The following RBFOX1 variants were observed in gnomAD, a reference collection of about 807,000 sequenced individuals.
The protein encoded by RBFOX1 is RNA binding protein fox-1 homolog 1.
Under a neutral mutation model 57.7 loss-of-function variants are expected in RBFOX1, and 8 were observed. That is an observed-to-expected ratio of 0.14 (90% CI 0.08 to 0.25). The LOEUF (loss-of-function observed/expected upper bound fraction) is 0.25, where lower values mean the gene tolerates loss of function less well. Ranked by LOEUF, RBFOX1 falls within the 10% of genes least tolerant of loss-of-function variation. RBFOX1 has a pLI of 1.00. For synonymous variants in RBFOX1, 326 were observed against 222.4 expected, an observed-to-expected ratio of 1.47 and a Z score of -4.15; for missense variants, 611 against 548.5, an observed-to-expected ratio of 1.11 and a Z score of -1.14.
chr16:7,447,256 A>T (rs1336314485), intron 4 of RBFOX1, among the ~76,000 whole-genome samples: 2 of 147,394 alleles, frequency 1.4e-5, no homozygotes, highest in African/African-American at 5.0e-5. Flanking sequence ...ACATGGGGAA[A>T]CCCCCATCTC....
chr16:5,992,858 T>A (rs2060424681), intron 4 of RBFOX1, among the ~76,000 whole-genome samples: 1 of 152,118 alleles, frequency 6.6e-6, no homozygotes, highest in African/African-American at 2.4e-5. Context: ...TGCTTGAACC[T>A]GGGAGGTGGA....
chr16:5,933,895 G>T (rs1380210710), intron 4 of RBFOX1, among the ~76,000 whole-genome samples: 1 of 152,008 alleles, frequency 6.6e-6, no homozygotes, highest in Non-Finnish European at 1.5e-5. Context: ...CATCACTCAG[G>T]TAGTAAGCCT....
At chr16:6,625,502 G>C (rs1317720157) in intron 2 of RBFOX1, among the ~76,000 whole-genome samples, 1 of 152,108 alleles carries the variant, frequency 6.6e-6, no homozygotes, top group Non-Finnish European at 1.5e-5. Flanking sequence ...AGGTATTTCT[G>C]ATGGGATTCA....
At chr16:7,155,356 G>A (rs1212255691) in intron 4 of RBFOX1, among the ~76,000 whole-genome samples, 3 of 151,928 alleles carry the variant, frequency 2.0e-5, no homozygotes, top group Non-Finnish European at 2.9e-5. Flanking sequence ...TTGGGAGGTC[G>A]AGTTCAGTGG....
chr16:5,281,904 C>T (rs1773209414), intron 1 of RBFOX1, among the ~76,000 whole-genome samples: 1 of 152,042 alleles, frequency 6.6e-6, no homozygotes, highest in African/African-American at 2.4e-5. Context: ...GTAATTTAAC[C>T]CATATTCGAA....
At chr16:5,301,130 G>A (rs1310298854) in intron 1 of RBFOX1, among the ~76,000 whole-genome samples, 1 of 152,160 alleles carries the variant, frequency 6.6e-6, no homozygotes. Context: ...TTACCTTCGA[G>A]ACCAGTTTAC....
chr16:6,772,928 T>TTG (rs144015995), intron 3 of RBFOX1, among the ~76,000 whole-genome samples: 1,761 of 109,556 alleles, frequency 0.016, 42 homozygotes, highest in African/African-American at 0.055. Flanking sequence ...TGGAGTACAT[T>TTG]TGTGTGTGTG....
chr16:6,837,377 G>A lies in RBFOX1; in HGVS notation c.-16+182727G>A, dbSNP rs147091540. Among the ~76,000 whole-genome samples, 79 of 152,260 alleles carry A rather than the reference G, an allele frequency of 5.2e-4. No homozygotes were observed. The East Asian group carries it at 9.3e-3, about 18-fold the overall frequency. On this transcript the variant is annotated intron_variant, in intron 3 of 15. Transcript: ENST00000550418. Reference sequence around the variant, plus strand: ...TGGAGTCAGAGTTCTTGGGTTCTCCGCAATGGTAGTGACTTCCAATCACGG... The same window carrying A: ...TGGAGTCAGAGTTCTTGGGTTCTCCACAATGGTAGTGACTTCCAATCACGG...
At chr16:5,344,488 A>G (rs1008656769) in intron 1 of RBFOX1, among the ~76,000 whole-genome samples, 1 of 150,960 alleles carries the variant, frequency 6.6e-6, no homozygotes, top group Non-Finnish European at 1.5e-5. Flanking sequence ...TAACTACCTC[A>G]CCTCCCTCCC....
At chr16:7,240,036 T>A (rs1425308551) in intron 4 of RBFOX1, among the ~76,000 whole-genome samples, 1 of 152,054 alleles carries the variant, frequency 6.6e-6, no homozygotes, top group Non-Finnish European at 1.5e-5. Flanking sequence ...CTGCAATGTC[T>A]GCTCACTAGA....
chr16:7,558,199 CA>C (rs1468709729), intron 5 of RBFOX1, among the ~76,000 whole-genome samples: 3 of 151,880 alleles, frequency 2.0e-5, no homozygotes, highest in African/African-American at 7.3e-5. Context: ...ACTAAAAATA[CA>C]AAAATTAGCT....
intron 4 of RBFOX1, among the ~76,000 whole-genome samples, chr16:7,217,092 C>G (rs1431402581): frequency 1.5e-5 from 2 of 137,298 alleles, no homozygotes; most frequent in African/African-American, 2.8e-5. Flanking sequence ...CCCTGTTTCC[C>G]TTTCCTTCCC....
At chr16:6,858,620 C>T (rs776539212) in intron 3 of RBFOX1, among the ~76,000 whole-genome samples, 11 of 152,132 alleles carry the variant, frequency 7.2e-5, no homozygotes, top group East Asian at 1.9e-4. Context: ...GAGACTCAGA[C>T]GATTTCATTT....
chr16:7,687,460 C>G (rs1319990354), intron 14 of RBFOX1, among the ~76,000 whole-genome samples: 1 of 152,038 alleles, frequency 6.6e-6, no homozygotes, highest in Non-Finnish European at 1.5e-5. Flanking sequence ...TGATATGTAG[C>G]AAGCCCCTCA....
intron 3 of RBFOX1, among the ~76,000 whole-genome samples, chr16:6,761,697 A>T (rs145172118): frequency 5.3e-5 from 8 of 151,242 alleles, no homozygotes; most frequent in African/African-American, 1.9e-4. Context: ...AGTAGAGACG[A>T]GGTTTCACGA....
rs114886080 is a variant in RBFOX1, at chr16:7,342,349, T to G, written c.28-175798T>G. On this transcript the variant is annotated intron_variant, in intron 4 of 15. Transcript: ENST00000550418. ...ATCTTCCCACTCAGACGCATCTGAG[T>G]TGGCATCCTGGCTCCTGTGTGATGC... Among the ~76,000 whole-genome samples, 521 of 152,208 alleles carry G rather than the reference T, an allele frequency of 3.4e-3. 4 individuals carry two copies. Among genetic ancestry groups the G allele is most frequent in the African/African-American group, 0.011 (473 of 41,548 alleles).
intron 1 of RBFOX1, among the ~76,000 whole-genome samples, chr16:6,221,620 C>T (rs543339941): frequency 3.3e-5 from 5 of 152,100 alleles, no homozygotes; most frequent in Non-Finnish European, 5.9e-5. Context: ...AAAGACATAC[C>T]TGACAATGGG....
intron 5 of RBFOX1, among the ~76,000 whole-genome samples, chr16:7,532,821 C>T (rs3785260): frequency 2.0e-5 from 3 of 152,134 alleles, no homozygotes; most frequent in Non-Finnish European, 4.4e-5. Context: ...AGCTCGATGG[C>T]CCACAGAGCC....
At chr16:5,247,276 G>A (rs185104526) in intron 1 of RBFOX1, among the ~76,000 whole-genome samples, 3 of 152,286 alleles carry the variant, frequency 2.0e-5, no homozygotes, top group East Asian at 1.9e-4. Flanking sequence ...TGCAAACTGT[G>A]GTTTGTGGGA....
Sources: gnomAD v4.1 joint callset for allele counts (sites outside exome capture counted in the v4.1 genomes callset) on GRCh38, gnomAD v4.1.1 for gene constraint, MANE v1.5 for transcripts, NCBI Gene and HGNC (gene_info 2026-07-23, HGNC 2026-07-21) for gene names.